DLGAP2: variants seen among roughly 807,000 people sequenced by gnomAD.
DLGAP2 encodes the protein DLG associated protein 2.
A neutral mutation model predicts 100.3 loss-of-function variants in DLGAP2; 26 were observed. The ratio of observed to expected loss-of-function variants is 0.26; its 90% CI spans 0.19 to 0.36. DLGAP2 has a LOEUF of 0.36. DLGAP2 is among the 10% of genes least tolerant of loss of function. DLGAP2 has a pLI of 1.00. For missense variants in DLGAP2, 1,858 were observed against 1,453.2 expected (o/e 1.28, Z -4.53); for synonymous variants, 886 against 630.1 (o/e 1.41, Z -6.08).
At chr8:1,435,924 A>C (rs551534243) in intron 3 of DLGAP2, among the ~76,000 whole-genome samples, 1 of 152,284 alleles carries the variant, frequency 6.6e-6, no homozygotes, top group African/African-American at 2.4e-5. Flanking sequence ...AGGGTTATAG[A>C]ATAAGAATAT....
chr8:1,267,565 A>AAAAAAT (rs1799482769), intron 3 of DLGAP2, among the ~76,000 whole-genome samples: 1 of 49,054 alleles, frequency 2.0e-5, no homozygotes, highest in Non-Finnish European at 4.0e-5. Context: ...GCTCAAAATA[A>AAAAAAT]AATAAAATAA....
At chr8:810,969 G>A (rs896982630) in intron 1 of DLGAP2, among the ~76,000 whole-genome samples, 2 of 152,242 alleles carry the variant, frequency 1.3e-5, no homozygotes, top group Non-Finnish European at 2.9e-5. Context: ...AAGGAAGAGC[G>A]TACGGCGGGG....
At chr8:1,075,902 A>C (rs1803590695) in intron 2 of DLGAP2, among the ~76,000 whole-genome samples, 1 of 64,908 alleles carries the variant, frequency 1.5e-5, no homozygotes, top group Non-Finnish European at 3.3e-5. Context: ...CCTCATCTCA[A>C]AAAAAATAAA....
At position 746,789 on chromosome 8, in the gene DLGAP2, A is replaced by T. The variant is rs545626288; in HGVS notation, c.18+8964A>T. 1.1e-4 allele frequency among the ~76,000 whole-genome samples: 16 copies of T among 152,362 alleles called. No individual in the cohort carries two copies. In the South Asian group the frequency reaches 3.1e-3, roughly 30 times the overall value. Reference sequence around the variant, plus strand: ...TTACCACAAAGCACCACAGCCGGGCATCCTCAGCAACCAGGTTCCCTCTGT... The same window carrying T: ...TTACCACAAAGCACCACAGCCGGGCTTCCTCAGCAACCAGGTTCCCTCTGT... On this transcript the variant is annotated intron_variant, in intron 1 of 14. Transcript: ENST00000637795.
At chr8:1,362,977 C>A (rs1189803553) in intron 3 of DLGAP2, among the ~76,000 whole-genome samples, 2 of 152,222 alleles carry the variant, frequency 1.3e-5, no homozygotes, top group African/African-American at 2.4e-5. Context: ...GGGCCTGGGG[C>A]AGCCATGGAG....
At chr8:1,307,462 G>A (rs1248169172) in intron 3 of DLGAP2, among the ~76,000 whole-genome samples, 2 of 152,154 alleles carry the variant, frequency 1.3e-5, no homozygotes, top group Non-Finnish European at 2.9e-5. Context: ...ATGATATGGT[G>A]AGTCTTCAAA....
intron 1 of DLGAP2, among the ~76,000 whole-genome samples, chr8:894,499 A>T (rs972912428): frequency 1.3e-5 from 2 of 151,622 alleles, no homozygotes; most frequent in African/African-American, 4.9e-5. Context: ...GCTGGGGGAC[A>T]CCGTGACAAA....
intron 2 of DLGAP2, among the ~76,000 whole-genome samples, chr8:1,126,320 C>A (rs1311433221): frequency 6.6e-6 from 1 of 151,734 alleles, no homozygotes; most frequent in African/African-American, 2.4e-5. Context: ...TAGCCAGAAA[C>A]AGAACAGAGA....
intron 3 of DLGAP2, among the ~76,000 whole-genome samples, chr8:1,409,328 G>A (rs972747099): frequency 5.9e-5 from 9 of 151,696 alleles, no homozygotes; most frequent in Admixed American, 2.6e-4. Context: ...CATAGCAGGC[G>A]CCTGGCTCCC....
chr8:1,030,159 C>T (rs75858459), intron 2 of DLGAP2, among the ~76,000 whole-genome samples: 3,072 of 152,290 alleles, frequency 0.02, 112 homozygotes, highest in African/African-American at 0.07. Context: ...CCTCTTACAA[C>T]AGTCTAAGTG....
At chr8:1,427,095 A>G (rs1797257898) in intron 3 of DLGAP2, among the ~76,000 whole-genome samples, 3 of 152,230 alleles carry the variant, frequency 2.0e-5, no homozygotes, top group South Asian at 2.1e-4. Flanking sequence ...AAAATAAAAG[A>G]TAAGAAACAC....
chr8:1,407,790 A>C (rs566111572), intron 3 of DLGAP2, among the ~76,000 whole-genome samples: 1 of 139,936 alleles, frequency 7.1e-6, no homozygotes, highest in Admixed American at 7.1e-5. Context: ...CCACCTCCTC[A>C]TCCTCCGGGG....
intron 2 of DLGAP2, among the ~76,000 whole-genome samples, chr8:1,174,258 C>G (rs1397595358): frequency 6.6e-6 from 1 of 151,910 alleles, no homozygotes; most frequent in Non-Finnish European, 1.5e-5. Context: ...ACCCACATAC[C>G]CATCACCACC....
chr8:1,097,010 G>C (rs1048298655), intron 2 of DLGAP2, among the ~76,000 whole-genome samples: 2 of 143,454 alleles, frequency 1.4e-5, no homozygotes, highest in African/African-American at 2.6e-5. Context: ...GTGCTCAGGA[G>C]AGTCAAGCTG....
intron 2 of DLGAP2, among the ~76,000 whole-genome samples, chr8:1,216,454 T>C (rs1027767370): frequency 6.0e-5 from 9 of 150,970 alleles, no homozygotes; most frequent in African/African-American, 2.2e-4. Flanking sequence ...GCTCAGGAGA[T>C]CCTCCCTCTT....
chr8:1,370,488 C>G (rs541517460), intron 3 of DLGAP2, among the ~76,000 whole-genome samples: 1 of 152,208 alleles, frequency 6.6e-6, no homozygotes, highest in Non-Finnish European at 1.5e-5. Flanking sequence ...CCTTTATCTT[C>G]TATTTAAAGC....
At chr8:1,203,133 TGTTC>T (rs1452485357) in intron 2 of DLGAP2, among the ~76,000 whole-genome samples, 24 of 152,178 alleles carry the variant, frequency 1.6e-4, no homozygotes, top group African/African-American at 4.3e-4. Context: ...TTCGTTTGTT[TGTTC>T]GTTTGTTTGT....
intron 2 of DLGAP2, among the ~76,000 whole-genome samples, chr8:1,079,422 G>C (rs1371135125): frequency 6.6e-6 from 1 of 151,990 alleles, no homozygotes; most frequent in Non-Finnish European, 1.5e-5. Context: ...GCATTATTTT[G>C]TTTAAACTAT....
intron 4 of DLGAP2, among the ~76,000 whole-genome samples, chr8:1,543,060 C>G (rs1437126206): frequency 6.6e-6 from 1 of 152,236 alleles, no homozygotes; most frequent in South Asian, 2.1e-4. Context: ...GATTATTTGT[C>G]TTATTATAAT....
Sources: allele counts gnomAD v4.1 joint callset (sites outside exome capture counted in the v4.1 genomes callset), GRCh38; gene constraint gnomAD v4.1.1; transcripts MANE v1.5; gene names NCBI Gene and HGNC (gene_info 2026-07-23, HGNC 2026-07-21).